The following CACNA2D4 variants were observed in gnomAD, a reference collection of about 807,000 sequenced individuals.
CACNA2D4 encodes voltage-dependent calcium channel subunit alpha-2/delta-4.
In CACNA2D4, 157 loss-of-function variants were observed where a neutral mutation model predicts 163.8. The observed-to-expected ratio is 0.96, with a 90% CI of 0.84 to 1.09. The LOEUF (loss-of-function observed/expected upper bound fraction) is 1.09. Among genes scored for constraint, CACNA2D4 ranks in the 50% least tolerant of loss-of-function variants. The pLI is 0.00. For synonymous variants in CACNA2D4, 598 were observed against 586.9 expected, an observed-to-expected ratio of 1.02 and a Z score of -0.27; for missense variants, 1,410 against 1,479.9, an observed-to-expected ratio of 0.95 and a Z score of 0.78.
rs780652210 is a variant in CACNA2D4 at position 1,918,326 on chromosome 12, TCTTCTGCACAAAGGC to T, written c.133_147del (p.Ala45_Lys49del). ...AGCAGCAGCCACAGGAGGGCCGAGGTCTTCTGCACAAAGGCCCAGGCCACGGGCATTGGCTGGAGG... is the reference window on the plus strand; with the variant it reads ...AGCAGCAGCCACAGGAGGGCCGAGGTCCAGGCCACGGGCATTGGCTGGAGG... On this transcript the variant is annotated inframe_deletion, in exon 1 of 38. Coordinates refer to ENST00000382722, the MANE Select transcript of CACNA2D4 (RefSeq NM_172364.5). 11 of 1,609,222 alleles carry T rather than the reference TCTTCTGCACAAAGGC, an allele frequency of 6.8e-6. No homozygotes were observed. The highest frequency in any genetic ancestry group is 1.6e-4 in the Middle Eastern group (1 of 6,072).
rs1864508759 is a variant in CACNA2D4 at position 1,829,231 on chromosome 12, G to A, written c.2551+11508C>T. Among the ~76,000 whole-genome samples, 1 of 152,214 alleles carries A rather than the reference G, an allele frequency of 6.6e-6. No individual in the cohort carries two copies. Among genetic ancestry groups the A allele is most frequent in the Admixed American group, 6.5e-5 (1 of 15,288 alleles). On this transcript the variant is annotated intron_variant, in intron 26 of 37. Transcript: ENST00000382722. The surrounding 1 kb of genome is among the most constrained non-coding windows in gnomAD (Gnocchi z 4.2). ...TAGCCTGCTGTCAGGCCCTTCTCTGGGAGGGGCGAGCGGCTTCTGGTGATG... is the reference window on the plus strand; with the variant it reads ...TAGCCTGCTGTCAGGCCCTTCTCTGAGAGGGGCGAGCGGCTTCTGGTGATG...
chr12:1,903,159 C>T (rs1178324878), intron 6 of CACNA2D4, among the ~76,000 whole-genome samples: 4 of 152,008 alleles, frequency 2.6e-5, no homozygotes, highest in Non-Finnish European at 4.4e-5. Context: ...ATTAAATATT[C>T]ATATGAAAAA....
Position 1,844,447 on chromosome 12 carries a change from G to C in CACNA2D4, c.2425C>G (p.Pro809Ala). 1 of 1,613,686 alleles carries C rather than the reference G, an allele frequency of 6.2e-7. No homozygotes were observed. The highest frequency in any genetic ancestry group is 8.5e-7 in the Non-Finnish European group (1 of 1,179,818). ...AGGTTGAAGACGAAGCTGCCAGCAG[G>C]ATGCTCTGAGGCCTGGCGGTACCAC... The part of the protein sequence containing the change: ...PLWYRQASEH[P>A]AGSFVFNLRW... Residue 809 changes from proline (P) to alanine (A), a missense_variant, in exon 25 of 38, where the codon CCT becomes GCT. Transcript: ENST00000382722. This position sits in a 1 kb window ranked among gnomAD's most constrained non-coding sequence, Gnocchi z 4.2.
intron 31 of CACNA2D4, 178 bp downstream of exon 31, chr12:1,800,865 G>A: frequency 1.6e-6 from 1 of 620,552 alleles, no homozygotes; most frequent in African/African-American, 1.8e-5. Context: ...AGACCCAGAG[G>A]CCTGCCTGGG....
chr12:1,900,158 CT>C (rs1866502524), intron 6 of CACNA2D4, among the ~76,000 whole-genome samples: 2 of 152,158 alleles, frequency 1.3e-5, no homozygotes, highest in South Asian at 4.1e-4. Context: ...GAGACAAGGT[CT>C]TGATCTGTCA....
At position 1,860,147 on chromosome 12, in the gene CACNA2D4, G is replaced by T; in HGVS notation, c.1938C>A (p.Phe646Leu). 1 of 1,612,750 alleles carries T rather than the reference G, an allele frequency of 6.2e-7. No homozygotes were observed. Among genetic ancestry groups the T allele is most frequent in the Non-Finnish European group, 8.5e-7 (1 of 1,178,810 alleles). The change falls in exon 19 of 38, where the codon TTC (phenylalanine) becomes TTA (leucine). Residue 646 changes from phenylalanine (F) to leucine (L), a missense_variant and splice_region_variant. By Grantham distance (22) the Phe-to-Leu change is conservative. Coordinates refer to ENST00000382722, the MANE Select transcript of CACNA2D4 (RefSeq NM_172364.5). ...CAAATAAAGCCTGTGTCCCTCACCT[G>T]AAAGGGGTGTCGCTGATGTCCGTGA... ...YFFTDISDTP[F>L]SLGVVLSRGH...
At chr12:1,910,224 T>A (rs542476481) in intron 3 of CACNA2D4, among the ~76,000 whole-genome samples, 53 of 152,370 alleles carry the variant, frequency 3.5e-4, no homozygotes, top group African/African-American at 1.3e-3. Flanking sequence ...CCCAACAACA[T>A]GGCATTCTGG....
rs963876030 is a variant in CACNA2D4 at position 1,869,986 on chromosome 12, G to A, written c.1878+4618C>T. On this transcript the variant is annotated intron_variant, in intron 18 of 37. Transcript: ENST00000382722. The surrounding 1 kb of genome is among the most constrained non-coding windows in gnomAD (Gnocchi z 4.7). ...TTGTATTAAGCAGTAGTTAAATGAT[G>A]GGTTGATAAGAACTGAGCATATAGA... Among the ~76,000 whole-genome samples, 5 of 152,142 alleles carry A rather than the reference G, an allele frequency of 3.3e-5. No individual in the cohort carries two copies. Among genetic ancestry groups the A allele is most frequent in the Admixed American group, 6.5e-5 (1 of 15,280 alleles).
intron 2 of CACNA2D4, 54 bp downstream of exon 2, chr12:1,914,800 G>A (rs1186480082): frequency 1.8e-5 from 23 of 1,274,382 alleles, no homozygotes; most frequent in South Asian, 1.4e-4. Flanking sequence ...TGGGGGCTTC[G>A]ATGGCTGACT....
chr12:1,828,168 G>T lies in CACNA2D4; in HGVS notation c.2551+12571C>A. The T allele has an allele frequency of 6.5e-7, 1 of 1,545,980 alleles. No homozygotes were observed. The highest frequency in any genetic ancestry group is 8.7e-7 in the Non-Finnish European group (1 of 1,144,818). ...CTCACCATGCTGGCGCCGGGCAGCA[G>T]CCCTGGGCAGAGGGGCAGGCTCGCC... On this transcript the variant is annotated intron_variant, in intron 26 of 37. Coordinates refer to ENST00000382722, the MANE Select transcript of CACNA2D4 (RefSeq NM_172364.5). The surrounding 1 kb of genome is among the most constrained non-coding windows in gnomAD (Gnocchi z 4.2).
chr12:1,838,845 G>A (rs1250467913), intron 26 of CACNA2D4, among the ~76,000 whole-genome samples: 1 of 152,212 alleles, frequency 6.6e-6, no homozygotes, highest in African/African-American at 2.4e-5. Context: ...AGAACAGTCT[G>A]TAGGGAGACG....
At position 1,869,711 on chromosome 12, in the gene CACNA2D4, G is replaced by A. The variant is rs1008777344; in HGVS notation, c.1878+4893C>T. Among the ~76,000 whole-genome samples the A allele has an allele frequency of 1.3e-5, 2 of 152,104 alleles. No individual in the cohort carries two copies. The highest frequency in any genetic ancestry group is 2.4e-5 in the African/African-American group (1 of 41,388). On this transcript the variant is annotated intron_variant, in intron 18 of 37. Transcript: ENST00000382722. This position sits in a 1 kb window ranked among gnomAD's most constrained non-coding sequence, Gnocchi z 4.7. Reference sequence around the variant, plus strand: ...TAAACAGCTCCCACAGTTTCATAAGGTCTAATCCCTACGATAAAATCCTAC... The same window carrying A: ...TAAACAGCTCCCACAGTTTCATAAGATCTAATCCCTACGATAAAATCCTAC...
chr12:1,812,683 G>A (rs1052780722), intron 26 of CACNA2D4, among the ~76,000 whole-genome samples: 1 of 152,216 alleles, frequency 6.6e-6, no homozygotes, highest in African/African-American at 2.4e-5. Flanking sequence ...ACTTTTCAGA[G>A]TCACATGGCT....
At position 1,829,150 on chromosome 12, in the gene CACNA2D4, C is replaced by T. The variant is rs2154446976; in HGVS notation, c.2551+11589G>A. Reference sequence around the variant, plus strand: ...CTTGTCACTGGAGCTTTTATGCCACCTTGATCTCCAGGGAGGTGGGGGGCG... The same window carrying T: ...CTTGTCACTGGAGCTTTTATGCCACTTTGATCTCCAGGGAGGTGGGGGGCG... On this transcript the variant is annotated intron_variant, in intron 26 of 37. Transcript: ENST00000382722. The surrounding 1 kb of genome is among the most constrained non-coding windows in gnomAD (Gnocchi z 4.2). 6.6e-6 allele frequency among the ~76,000 whole-genome samples: 1 copy of T among 152,246 alleles called. No individual in the cohort carries two copies. The highest frequency in any genetic ancestry group is 2.1e-4 in the South Asian group (1 of 4,830).
At position 1,829,145 on chromosome 12, in the gene CACNA2D4, G is replaced by A. The variant is rs150648238; in HGVS notation, c.2551+11594C>T. 4.6e-3 allele frequency among the ~76,000 whole-genome samples: 698 copies of A among 152,226 alleles called. 7 individuals are homozygous for A. Among genetic ancestry groups the A allele is most frequent in the South Asian group, 0.04 (192 of 4,824 alleles). On this transcript the variant is annotated intron_variant, in intron 26 of 37. Transcript: ENST00000382722. The surrounding 1 kb of genome is among the most constrained non-coding windows in gnomAD (Gnocchi z 4.2). ...GTTTTCTTGTCACTGGAGCTTTTAT[G>A]CCACCTTGATCTCCAGGGAGGTGGG...
intron 1 of CACNA2D4, among the ~76,000 whole-genome samples, chr12:1,916,629 C>A (rs527873329): frequency 2.0e-5 from 3 of 152,136 alleles, no homozygotes; most frequent in African/African-American, 7.2e-5. Flanking sequence ...GCAGGCCCAG[C>A]GGAGCGCAGT....
intron 16 of CACNA2D4, among the ~76,000 whole-genome samples, chr12:1,877,591 C>T (rs2154449383): frequency 6.6e-6 from 1 of 152,250 alleles, no homozygotes; most frequent in East Asian, 1.9e-4. Flanking sequence ...CAAATGACAC[C>T]TGGGCAGATG....
intron 26 of CACNA2D4, among the ~76,000 whole-genome samples, chr12:1,825,005 C>G (rs1864257988): frequency 6.6e-6 from 1 of 152,260 alleles, no homozygotes; most frequent in African/African-American, 2.4e-5. Flanking sequence ...TCCGCATGAA[C>G]CTGGGGGCCT....
rs1865862353 is a variant in CACNA2D4, at chr12:1,875,374, A to T, written c.1720-37T>A. On this transcript the variant is annotated intron_variant, in intron 16 of 37. Coordinates refer to ENST00000382722, the MANE Select transcript of CACNA2D4 (RefSeq NM_172364.5). This position sits in a 1 kb window ranked among gnomAD's most constrained non-coding sequence, Gnocchi z 4.0. ...AGGTCAGGAAGAAAAACATGTGGTC[A>T]GTATACGTCCTGCTCAAGTTTATCT... is the stretch of plus-strand genomic sequence containing the variant. The T allele has an allele frequency of 7.7e-7, 1 of 1,303,574 alleles. No individual in the cohort carries two copies. The highest frequency in any genetic ancestry group is 1.5e-5 in the African/African-American group (1 of 68,772). 80.8% of individuals were successfully genotyped at this position (1,303,574 alleles called of 1,614,324 possible).
Sources: allele counts gnomAD v4.1 joint callset (sites outside exome capture counted in the v4.1 genomes callset), GRCh38; gene constraint gnomAD v4.1.1; non-coding constraint Gnocchi (gnomAD v3.1); transcripts MANE v1.5; gene names NCBI Gene and HGNC (gene_info 2026-07-23, HGNC 2026-07-21).